Variants in PCCA observed in about 807,000 individuals in gnomAD.
PCCA encodes the protein propionyl-CoA carboxylase subunit alpha, also known as propionyl-CoA carboxylase alpha chain, mitochondrial.
In PCCA, 74 loss-of-function variants were observed where a neutral mutation model predicts 101.3. The ratio of observed to expected loss-of-function variants is 0.73; its 90% CI spans 0.61 to 0.89. The LOEUF (loss-of-function observed/expected upper bound fraction) is 0.89. Ranked by LOEUF, PCCA falls within the 40% of genes least tolerant of loss-of-function variation. PCCA has a pLI of 0.00. For synonymous variants in PCCA, 294 were observed against 313.6 expected, an observed-to-expected ratio of 0.94 and a Z score of 0.66; for missense variants, 891 against 907.0, an observed-to-expected ratio of 0.98 and a Z score of 0.23.
chr13:100,444,733 A>G lies in PCCA; in HGVS notation c.1846-4519A>G, dbSNP rs540415697. 1.4e-4 allele frequency among the ~76,000 whole-genome samples: 22 copies of G among 151,834 alleles called. 1 individual carries two copies. The highest frequency in any genetic ancestry group is 8.3e-4 in the South Asian group (4 of 4,794). ...TGGGATTACAGGCGTGAGCCACTGCACCCGGTGGTTTTGAACTTCTGACCT... is the reference window on the plus strand; with the variant it reads ...TGGGATTACAGGCGTGAGCCACTGCGCCCGGTGGTTTTGAACTTCTGACCT... On this transcript the variant is annotated intron_variant, in intron 20 of 23. Transcript: ENST00000376285.
intron 6 of PCCA, among the ~76,000 whole-genome samples, chr13:100,162,265 T>G (rs1432004976): frequency 1.3e-5 from 2 of 152,172 alleles, no homozygotes; most frequent in Non-Finnish European, 1.5e-5. Context: ...TAAAAATAAG[T>G]ATGGAATACC....
intron 18 of PCCA, among the ~76,000 whole-genome samples, chr13:100,346,283 C>T (rs2072207020): frequency 6.6e-6 from 1 of 152,116 alleles, no homozygotes; most frequent in African/African-American, 2.4e-5. Context: ...AACATTTGTG[C>T]TTCAATGGGC....
intron 21 of PCCA, among the ~76,000 whole-genome samples, chr13:100,508,219 C>G (rs2086225749): frequency 6.6e-6 from 1 of 152,154 alleles, no homozygotes; most frequent in Admixed American, 6.5e-5. Flanking sequence ...GTTCTTTTCT[C>G]TAAGGAAACC....
intron 4 of PCCA, among the ~76,000 whole-genome samples, chr13:100,125,599 A>G (rs1233526885): frequency 2.0e-5 from 3 of 150,866 alleles, no homozygotes; most frequent in Admixed American, 2.0e-4. Flanking sequence ...TTTTTAGATT[A>G]AGAATACAAT....
chr13:100,339,282 C>A (rs1595439852), intron 17 of PCCA, among the ~76,000 whole-genome samples: 1 of 152,088 alleles, frequency 6.6e-6, no homozygotes, highest in Non-Finnish European at 1.5e-5. Context: ...ATATTTTCAA[C>A]CTGCAGTTGT....
chr13:100,395,975 A>G (rs1370496085), intron 19 of PCCA, among the ~76,000 whole-genome samples: 3 of 152,198 alleles, frequency 2.0e-5, no homozygotes, highest in Non-Finnish European at 4.4e-5. Context: ...TTCCTCTGTT[A>G]TCTTTAGTTT....
intron 19 of PCCA, among the ~76,000 whole-genome samples, chr13:100,415,674 TCTC>T (rs1334907166): frequency 6.6e-6 from 1 of 152,314 alleles, no homozygotes; most frequent in African/African-American, 2.4e-5. Flanking sequence ...ACAATGCTAA[TCTC>T]CTTAACATTT....
intron 21 of PCCA, among the ~76,000 whole-genome samples, chr13:100,483,606 T>G (rs979299812): frequency 1.3e-5 from 2 of 152,248 alleles, no homozygotes; most frequent in African/African-American, 2.4e-5. Flanking sequence ...AGGCTCTTAC[T>G]GGTATATCTG....
At chr13:100,377,911 C>A (rs2076018273) in intron 19 of PCCA, among the ~76,000 whole-genome samples, 1 of 151,830 alleles carries the variant, frequency 6.6e-6, no homozygotes, top group Admixed American at 6.6e-5. Flanking sequence ...TTATATGTTC[C>A]TTGTTCCTTC....
chr13:100,493,352 G>A (rs1052917443), intron 21 of PCCA, among the ~76,000 whole-genome samples: 11 of 152,178 alleles, frequency 7.2e-5, no homozygotes, highest in Non-Finnish European at 1.6e-4. Flanking sequence ...GGATGTGGAG[G>A]TGTGCGCTGC....
intron 19 of PCCA, among the ~76,000 whole-genome samples, chr13:100,422,381 T>A (rs1300883066): frequency 1.3e-5 from 2 of 150,354 alleles, no homozygotes; most frequent in African/African-American, 4.9e-5. Flanking sequence ...CAAGCAGTCC[T>A]CCTGCCTGGG....
intron 16 of PCCA, 49 bp from the exon 17 acceptor site, chr13:100,330,512 A>G (rs781574269): frequency 1.7e-6 from 2 of 1,156,494 alleles, no homozygotes; most frequent in Non-Finnish European, 1.3e-6. Flanking sequence ...TCAGAATTCA[A>G]TTTTTCACTG....
chr13:100,285,766 T>C (rs541536564), intron 12 of PCCA, among the ~76,000 whole-genome samples: 1 of 152,214 alleles, frequency 6.6e-6, no homozygotes, highest in Non-Finnish European at 1.5e-5. Context: ...TCCAGACTTA[T>C]GCTGCCCGAG....
At chr13:100,304,994 T>C (rs1454632198) in intron 14 of PCCA, among the ~76,000 whole-genome samples, 1 of 152,184 alleles carries the variant, frequency 6.6e-6, no homozygotes, top group Non-Finnish European at 1.5e-5. Flanking sequence ...CTGATTTCAT[T>C]TGAATTTTTT....
intron 19 of PCCA, among the ~76,000 whole-genome samples, chr13:100,410,931 G>A (rs983634284): frequency 4.6e-5 from 7 of 152,104 alleles, no homozygotes; most frequent in Admixed American, 1.3e-4. Context: ...CAGACAAATT[G>A]TGAAAGAAAA....
At chr13:100,244,277 G>A (rs932600487) in intron 8 of PCCA, among the ~76,000 whole-genome samples, 6 of 152,148 alleles carry the variant, frequency 3.9e-5, no homozygotes, top group African/African-American at 1.4e-4. Context: ...GTGGTCATTT[G>A]AGATTAGAAT....
chr13:100,232,836 G>C (rs1367944932), intron 7 of PCCA, among the ~76,000 whole-genome samples: 3 of 152,050 alleles, frequency 2.0e-5, no homozygotes, highest in Non-Finnish European at 4.4e-5. Context: ...TTTATTTTCT[G>C]TTTCTCTCAT....
At position 100,152,179 on chromosome 13, in the gene PCCA, G is replaced by C. The variant is rs142282185; in HGVS notation, c.301-2800G>C. On this transcript the variant is annotated intron_variant, in intron 4 of 23. Transcript: ENST00000376285. Reference sequence around the variant, plus strand: ...TACTAGTGACCCTGGGCTAGACTGTGGGCTTGTTGAGATGTGAATGTACCC... The same window carrying C: ...TACTAGTGACCCTGGGCTAGACTGTCGGCTTGTTGAGATGTGAATGTACCC... 3.7e-4 allele frequency among the ~76,000 whole-genome samples: 57 copies of C among 152,246 alleles called. No homozygotes were observed. In the East Asian group the frequency reaches 9.3e-3, roughly 25 times the overall value.
At chr13:100,308,105 G>A (rs1230465908) in intron 15 of PCCA, among the ~76,000 whole-genome samples, 5 of 152,184 alleles carry the variant, frequency 3.3e-5, no homozygotes, top group African/African-American at 9.6e-5. Context: ...CGCCCGCCTC[G>A]GCCTCCCAAA....
Sources: gnomAD v4.1 joint callset for allele counts (sites outside exome capture counted in the v4.1 genomes callset) on GRCh38, gnomAD v4.1.1 for gene constraint, MANE v1.5 for transcripts, NCBI Gene and HGNC (gene_info 2026-07-23, HGNC 2026-07-21) for gene names.